The following FBXO27 variants were observed in gnomAD, a reference collection of about 807,000 sequenced individuals.
FBXO27 encodes the protein F-box protein 27.
In FBXO27, 28 loss-of-function variants were observed where a neutral mutation model predicts 28.3. The observed-to-expected ratio is 0.99, with a 90% CI of 0.73 to 1.36. The LOEUF (loss-of-function observed/expected upper bound fraction) is 1.36, where lower values mean the gene tolerates loss of function less well. Among genes scored for constraint, FBXO27 ranks in the 40% most tolerant of loss-of-function variants. The pLI, the probability that FBXO27 is intolerant of heterozygous loss-of-function variation, is 0.00. For synonymous variants in FBXO27, 175 were observed against 167.3 expected (o/e 1.05, Z -0.36); for missense variants, 388 against 394.1 (o/e 0.98, Z 0.13).
At chr19:39,023,087 G>A (rs2072853253), downstream of FBXO27, among the ~76,000 whole-genome samples, 2 of 152,048 alleles carry the variant, frequency 1.3e-5, no homozygotes, top group African/African-American at 2.4e-5. Flanking sequence ...TTACAGGTGT[G>A]AGCCACCATG....
rs146293875 is a variant in FBXO27 at position 39,025,492 on chromosome 19, G to C, written c.771C>G (p.Gly257=). The C allele has an allele frequency of 6.8e-6, 11 of 1,614,022 alleles. No individual in the cohort carries two copies. In the African/African-American group the frequency reaches 1.3e-4, roughly 20 times the overall value. The change falls in exon 6 of 6, where the codon GGC becomes GGG. Residue 257 remains glycine, a synonymous_variant. Coordinates refer to ENST00000292853, the MANE Select transcript of FBXO27 (RefSeq NM_178820.5). ...GVRFVSFEHR[G]QDTQFWAGHY... The stretch of plus-strand genomic sequence containing the variant: ...GGCCAGCCCAGAACTGTGTGTCCTG[G>C]CCCCGGTGTTCGAAAGACACAAAGC...
At position 39,032,437 on chromosome 19, in the gene FBXO27, A is replaced by G. The variant is rs375546613; in HGVS notation, c.-27+66T>C. The G allele has an allele frequency of 2.7e-5, 18 of 669,024 alleles. No individual in the cohort carries two copies. The East Asian group carries it at 5.7e-4, about 21-fold the overall frequency. 41.4% of individuals were successfully genotyped at this position (669,024 alleles called of 1,614,324 possible). On this transcript the variant is annotated intron_variant, in intron 1 of 5. Transcript: ENST00000292853. The surrounding 1 kb of genome is among the most constrained non-coding windows in gnomAD (Gnocchi z 4.7). Reference sequence around the variant, plus strand: ...CCCGGAGACCCCGCGGTCTGTGTGTATGCCCCGAATTGCATGCAATCAGCC... The same window carrying G: ...CCCGGAGACCCCGCGGTCTGTGTGTGTGCCCCGAATTGCATGCAATCAGCC...
intron 4 of FBXO27, among the ~76,000 whole-genome samples, chr19:39,029,986 CACTT>C (rs1307901537): frequency 2.6e-5 from 4 of 152,128 alleles, no homozygotes; most frequent in African/African-American, 4.8e-5. Context: ...GGACTACAGA[CACTT>C]ACCATGACGC....
At chr19:39,007,754 C>T (rs1975746223) in intron 2 of FBXO27, among the ~76,000 whole-genome samples, 1 of 152,110 alleles carries the variant, frequency 6.6e-6, no homozygotes, top group South Asian at 2.1e-4. Context: ...GCGATCCTCC[C>T]ACCTCAGCCT....
At chr19:39,029,629 C>T (rs1179569099) in intron 4 of FBXO27, among the ~76,000 whole-genome samples, 2 of 151,954 alleles carry the variant, frequency 1.3e-5, no homozygotes, top group Non-Finnish European at 2.9e-5. Flanking sequence ...TAACCTATAG[C>T]AGATTAATTG....
intron 4 of FBXO27, chr19:39,030,337 C>T (rs1293498016): frequency 6.6e-6 from 1 of 152,370 alleles, no homozygotes; most frequent in Non-Finnish European, 1.5e-5. Context: ...TATGCTGTGA[C>T]TTGCCCAAGG....
At chr19:39,006,419 C>T (rs1321821690) in intron 2 of FBXO27, among the ~76,000 whole-genome samples, 3 of 151,494 alleles carry the variant, frequency 2.0e-5, no homozygotes, top group East Asian at 1.9e-4. Context: ...ATTAGCCTGG[C>T]GTGGTGGTGC....
chr19:39,006,444 A>G (rs550706085), intron 2 of FBXO27, among the ~76,000 whole-genome samples: 295 of 152,202 alleles, frequency 1.9e-3, no homozygotes, highest in African/African-American at 7.0e-3. Context: ...CTGTAATCCC[A>G]GCTATTCGAG....
intron 2 of FBXO27, among the ~76,000 whole-genome samples, chr19:39,009,310 G>A (rs1349041784): frequency 6.6e-6 from 1 of 152,184 alleles, no homozygotes; most frequent in Non-Finnish European, 1.5e-5. Flanking sequence ...ATATGTAGGA[G>A]TGGAATTGCT....
chr19:39,017,794 G>A (rs1260948033), intron 1 of FBXO27, among the ~76,000 whole-genome samples: 1 of 151,716 alleles, frequency 6.6e-6, no homozygotes, highest in African/African-American at 2.4e-5. Flanking sequence ...CTTAATAGTT[G>A]GAATAGAAGG....
chr19:39,025,417 C>G lies in FBXO27; in HGVS notation c.846G>C (p.Leu282=). Residue 282 remains leucine (L), a synonymous_variant, in exon 6 of 6, where the codon CTG becomes CTC. Transcript: ENST00000292853. ...TNSSVIVRVR[L]S is the part of the protein sequence containing the mutation. ...CAAGAAGGGTAGTGCTGGACTAGGA[C>G]AGACGGACTCGCACGATCACACTGG... The G allele has an allele frequency of 1.2e-6, 2 of 1,613,252 alleles. No individual in the cohort carries two copies. The highest frequency in any genetic ancestry group is 8.5e-7 in the Non-Finnish European group (1 of 1,179,710).
At chr19:39,011,283 T>C (rs1234980680) in intron 2 of FBXO27, among the ~76,000 whole-genome samples, 1 of 152,028 alleles carries the variant, frequency 6.6e-6, no homozygotes, top group African/African-American at 2.4e-5. Context: ...ATACAAAACA[T>C]TAGCCGGGCG....
Position 39,026,960 on chromosome 19 carries a change from G to A in FBXO27, c.618C>T (p.Val206=). 6.2e-7 allele frequency: 1 copy of A among 1,614,182 alleles called. No individual in the cohort carries two copies. The highest frequency in any genetic ancestry group is 1.3e-5 in the African/African-American group (1 of 75,054). Residue 206 remains valine (V), a synonymous_variant, in exon 5 of 6, where the codon GTC becomes GTT. Coordinates refer to ENST00000292853, the MANE Select transcript of FBXO27 (RefSeq NM_178820.5). ...HDSGCMYRLL[V]QLLDANQTVL... ...CAGTCTGGTTGGCGTCTAGAAGTTGGACGAGGAGTCTGTACATACAGCCGC... is the reference window on the plus strand; with the variant it reads ...CAGTCTGGTTGGCGTCTAGAAGTTGAACGAGGAGTCTGTACATACAGCCGC...
At chr19:39,018,466 G>A (rs1439214356) in intron 1 of FBXO27, among the ~76,000 whole-genome samples, 1 of 151,982 alleles carries the variant, frequency 6.6e-6, no homozygotes, top group African/African-American at 2.4e-5. Context: ...TCCGGTTCTC[G>A]TTCATTTTTC....
chr19:39,017,395 A>T (rs897260494), intron 1 of FBXO27, among the ~76,000 whole-genome samples: 3 of 152,158 alleles, frequency 2.0e-5, no homozygotes, highest in Non-Finnish European at 4.4e-5. Context: ...CATTGATTTT[A>T]AAAAATCATA....
chr19:39,029,176 G>A (rs531548932), intron 4 of FBXO27, among the ~76,000 whole-genome samples: 29 of 151,486 alleles, frequency 1.9e-4, no homozygotes, highest in African/African-American at 7.0e-4. Flanking sequence ...CTGTAATCCC[G>A]GCACTTTAAT....
chr19:39,016,807 C>T (rs540994274), intron 1 of FBXO27, among the ~76,000 whole-genome samples: 49 of 151,596 alleles, frequency 3.2e-4, no homozygotes, highest in African/African-American at 1.1e-3. Context: ...ATTAAATAAA[C>T]GAAACTTTTT....
chr19:39,031,509 T>A (rs923911937), intron 2 of FBXO27, 189 bp from the exon 3 acceptor site: 17 of 587,624 alleles, frequency 2.9e-5, no homozygotes, highest in Middle Eastern at 4.5e-4. Flanking sequence ...CCCTTCTCAC[T>A]GATTTGCAGC....
At chr19:39,016,476 G>A (rs907465567) in intron 1 of FBXO27, among the ~76,000 whole-genome samples, 4 of 151,794 alleles carry the variant, frequency 2.6e-5, no homozygotes, top group Non-Finnish European at 5.9e-5. Context: ...TCTAGGCTGG[G>A]CGCGGTGGCT....
Sources: gnomAD v4.1 joint callset for allele counts (sites outside exome capture counted in the v4.1 genomes callset) on GRCh38, gnomAD v4.1.1 for gene constraint, Gnocchi (gnomAD v3.1) non-coding constraint, MANE v1.5 for transcripts, NCBI Gene and HGNC (gene_info 2026-07-23, HGNC 2026-07-21) for gene names.